Variants in CASC3 observed in about 807,000 individuals in gnomAD.
The protein encoded by CASC3 is CASC3 exon junction complex subunit.
CASC3 carries 30 observed loss-of-function variants against 80.5 expected under a neutral mutation model. That is an observed-to-expected ratio of 0.37 (90% CI 0.28 to 0.51). The LOEUF (loss-of-function observed/expected upper bound fraction) is 0.51. CASC3 is among the 20% of genes least tolerant of loss of function. The pLI is 0.94. For missense variants in CASC3, 824 were observed against 922.2 expected, an observed-to-expected ratio of 0.89 and a Z score of 1.38; for synonymous variants, 312 against 333.6, an observed-to-expected ratio of 0.94 and a Z score of 0.70.
At chr17:40,158,901 G>A (rs1256424131) in intron 3 of CASC3, among the ~76,000 whole-genome samples, 1 of 152,100 alleles carries the variant, frequency 6.6e-6, no homozygotes. Flanking sequence ...TTTCCAGCTT[G>A]AGGATAAGTG....
At chr17:40,169,287 T>G (rs376994399) in intron 11 of CASC3, 37 bp from the exon 12 acceptor site, 26 of 1,496,586 alleles carry the variant, frequency 1.7e-5, no homozygotes, top group Middle Eastern at 3.6e-4. Flanking sequence ...ATGAATTCAT[T>G]CCTAACTTTT....
At chr17:40,160,031 A>G (rs1448806280) in intron 3 of CASC3, among the ~76,000 whole-genome samples, 1 of 152,024 alleles carries the variant, frequency 6.6e-6, no homozygotes, top group Non-Finnish European at 1.5e-5. Flanking sequence ...GTTGTTTGTC[A>G]TTGTATGTTT....
Position 40,171,222 on chromosome 17 carries a change from A to G in CASC3, c.*817A>G. On this transcript the variant is annotated 3_prime_UTR_variant, in exon 14 of 14. Coordinates refer to ENST00000264645, the MANE Select transcript of CASC3 (RefSeq NM_007359.5). ...GGCTTCTGTTCTCTGCTGAGGGCCA[A>G]TACCCTACTGTGGGGAGAGATGGCA... is the stretch of plus-strand genomic sequence containing the variant. 3 of 986,010 alleles carry G rather than the reference A, an allele frequency of 3.0e-6. No individual in the cohort carries two copies. The highest frequency in any genetic ancestry group is 1.7e-5 in the African/African-American group (1 of 57,354). 61.1% of individuals were successfully genotyped at this position (986,010 alleles called of 1,614,324 possible). A position where few individuals can be genotyped will look rare whatever the true frequency, so the allele number is the denominator to read the frequency against.
At chr17:40,153,386 C>A (rs1004991573) in intron 3 of CASC3, among the ~76,000 whole-genome samples, 1 of 152,110 alleles carries the variant, frequency 6.6e-6, no homozygotes, top group Admixed American at 6.5e-5. Flanking sequence ...TCCATTCACC[C>A]AACAACAGAC....
intron 3 of CASC3, among the ~76,000 whole-genome samples, chr17:40,160,588 T>A (rs1989269657): frequency 6.6e-6 from 1 of 152,182 alleles, no homozygotes; most frequent in Non-Finnish European, 1.5e-5. Context: ...TAAGTCTCCC[T>A]TCCATTCTTA....
At chr17:40,145,126 G>T (rs535166757) in intron 3 of CASC3, among the ~76,000 whole-genome samples, 2 of 151,734 alleles carry the variant, frequency 1.3e-5, no homozygotes, top group African/African-American at 2.4e-5. Context: ...CTCCCAAGGT[G>T]CTGGGATTAC....
intron 3 of CASC3, among the ~76,000 whole-genome samples, chr17:40,153,311 A>G (rs1989058070): frequency 6.6e-6 from 1 of 152,112 alleles, no homozygotes; most frequent in African/African-American, 2.4e-5. Context: ...GTTGTCACAA[A>G]TGTCAAAATT....
chr17:40,141,383 T>C (rs981540363), intron 2 of CASC3, 149 bp downstream of exon 2: 6 of 864,854 alleles, frequency 6.9e-6, no homozygotes, highest in African/African-American at 1.7e-5. Flanking sequence ...GAGCATAGGC[T>C]TTAGCAGTAT....
intron 3 of CASC3, among the ~76,000 whole-genome samples, chr17:40,153,744 T>G (rs1337984764): frequency 6.6e-6 from 1 of 152,076 alleles, no homozygotes; most frequent in Non-Finnish European, 1.5e-5. Context: ...GCCCAGGAGT[T>G]CGAGACCAGC....
intron 3 of CASC3, among the ~76,000 whole-genome samples, chr17:40,142,658 G>T (rs1366091642): frequency 6.6e-6 from 1 of 152,202 alleles, no homozygotes; most frequent in African/African-American, 2.4e-5. Context: ...TGAGGCCCAG[G>T]CGGGCGGATC....
At chr17:40,152,392 G>A (rs555526161) in intron 3 of CASC3, among the ~76,000 whole-genome samples, 52 of 151,748 alleles carry the variant, frequency 3.4e-4, no homozygotes, top group African/African-American at 1.2e-3. Context: ...CATGATCTCA[G>A]CTCACTGCAG....
At position 40,140,647 on chromosome 17, in the gene CASC3, C is replaced by T. The variant is rs1988682443; in HGVS notation, c.99C>T (p.Gly33=). 6.2e-7 allele frequency: 1 copy of T among 1,606,788 alleles called. No homozygotes were observed. Among genetic ancestry groups the T allele is most frequent in the East Asian group, 2.2e-5 (1 of 44,744 alleles). Residue 33 remains glycine (G), a synonymous_variant, in exon 1 of 14, where the codon GGC becomes GGT. Coordinates refer to ENST00000264645, the MANE Select transcript of CASC3 (RefSeq NM_007359.5). ...GCGGCGGCTCCCCGTTGCGGGGAGGCGGGAGCTGCAGCGGTAGCGCCGGAG... is the reference window on the plus strand; with the variant it reads ...GCGGCGGCTCCCCGTTGCGGGGAGGTGGGAGCTGCAGCGGTAGCGCCGGAG... ...SDSGGSPLRG[G]GSCSGSAGGG...
At chr17:40,152,091 G>A (rs1357089792) in intron 3 of CASC3, among the ~76,000 whole-genome samples, 1 of 152,102 alleles carries the variant, frequency 6.6e-6, no homozygotes, top group Non-Finnish European at 1.5e-5. Flanking sequence ...TGAGAACACC[G>A]AAGAGCTACT....
At chr17:40,155,381 C>T (rs532263599) in intron 3 of CASC3, among the ~76,000 whole-genome samples, 10 of 152,204 alleles carry the variant, frequency 6.6e-5, no homozygotes, top group African/African-American at 1.4e-4. Flanking sequence ...CTCAGCCTCC[C>T]GGGTGGCTAG....
intron 3 of CASC3, among the ~76,000 whole-genome samples, chr17:40,159,312 T>C (rs1242232172): frequency 1.3e-5 from 2 of 152,206 alleles, no homozygotes; most frequent in African/African-American, 4.8e-5. Context: ...CCTTATGTAC[T>C]ACTATTTTTG....
intron 8 of CASC3, 69 bp downstream of exon 8, chr17:40,166,930 C>A: frequency 9.1e-7 from 1 of 1,101,610 alleles, no homozygotes. Context: ...TTGTTTAAAC[C>A]AAGATAAGGT....
intron 3 of CASC3, among the ~76,000 whole-genome samples, chr17:40,161,009 T>A (rs1264901856): frequency 2.6e-5 from 4 of 152,046 alleles, no homozygotes; most frequent in South Asian, 2.1e-4. Flanking sequence ...CGACAGAGCC[T>A]TGCTCTGTCG....
At chr17:40,140,807 G>T in intron 1 of CASC3, 28 bp downstream of exon 1, 1 of 1,386,638 alleles carries the variant, frequency 7.2e-7, no homozygotes, top group South Asian at 1.5e-5. Context: ...GGGCGGGGTG[G>T]GGACCGGGCG....
chr17:40,167,617 G>GT lies in CASC3; in HGVS notation c.1651+11dup. On this transcript the variant is annotated splice_donor_region_variant and intron_variant, in intron 9 of 13. Transcript: ENST00000264645. ...AGGGACATTACTATGATCCACGTGA[G>GT]TTTTTTCTTACTGTTGGGGTACTTT... 4 of 1,604,586 alleles carry GT rather than the reference G, an allele frequency of 2.5e-6. No homozygotes were observed. Among genetic ancestry groups the GT allele is most frequent in the Non-Finnish European group, 2.6e-6 (3 of 1,171,554 alleles).
Sources: allele counts gnomAD v4.1 joint callset (sites outside exome capture counted in the v4.1 genomes callset), GRCh38; gene constraint gnomAD v4.1.1; transcripts MANE v1.5; gene names NCBI Gene and HGNC (gene_info 2026-07-23, HGNC 2026-07-21).